DPP10: variants seen among roughly 807,000 people sequenced by gnomAD.
DPP10 encodes inactive dipeptidyl peptidase 10.
A neutral mutation model predicts 120.9 loss-of-function variants in DPP10; 33 were observed. The observed-to-expected ratio is 0.27, with a 90% CI of 0.21 to 0.37. The LOEUF (loss-of-function observed/expected upper bound fraction) is 0.37. Ranked by LOEUF, DPP10 falls within the 10% of genes least tolerant of loss-of-function variation. The pLI, the probability that DPP10 is intolerant of heterozygous loss-of-function variation, is 1.00. For missense variants in DPP10, 816 were observed against 942.8 expected (o/e 0.87, Z 1.76); for synonymous variants, 337 against 326.1 (o/e 1.03, Z -0.36).
At chr2:115,505,610 G>A (rs2076899818) in intron 4 of DPP10, among the ~76,000 whole-genome samples, 1 of 152,100 alleles carries the variant, frequency 6.6e-6, no homozygotes, top group South Asian at 2.1e-4. Context: ...CGAGGCTCTA[G>A]TTTAAACATT....
At chr2:115,154,022 C>T (rs2051735499) in intron 1 of DPP10, among the ~76,000 whole-genome samples, 1 of 152,104 alleles carries the variant, frequency 6.6e-6, no homozygotes, top group African/African-American at 2.4e-5. Flanking sequence ...AATATGTGTG[C>T]AGAGGATGTA....
chr2:114,860,072 T>G (rs947486668), intron 1 of DPP10, among the ~76,000 whole-genome samples: 1 of 152,210 alleles, frequency 6.6e-6, no homozygotes, highest in Non-Finnish European at 1.5e-5. Context: ...ATAGACTAAT[T>G]CATTATAAAG....
chr2:114,534,364 T>C (rs1666648343), intron 1 of DPP10, among the ~76,000 whole-genome samples: 1 of 151,718 alleles, frequency 6.6e-6, no homozygotes, highest in Admixed American at 6.6e-5. Flanking sequence ...TTCCTTTAAC[T>C]CTGATATCCA....
At chr2:114,866,990 T>C (rs1001185753) in intron 1 of DPP10, among the ~76,000 whole-genome samples, 3 of 152,348 alleles carry the variant, frequency 2.0e-5, no homozygotes, top group Middle Eastern at 3.4e-3. Flanking sequence ...GGTTCTTGCC[T>C]TGACCTGACA....
At chr2:115,363,459 C>T (rs775753259) in intron 3 of DPP10, among the ~76,000 whole-genome samples, 2 of 152,136 alleles carry the variant, frequency 1.3e-5, no homozygotes, top group Non-Finnish European at 2.9e-5. Context: ...GTGTTGTTCT[C>T]TAAGGCCCAA....
intron 7 of DPP10, among the ~76,000 whole-genome samples, chr2:115,690,883 A>G (rs2091277896): frequency 6.6e-6 from 1 of 152,216 alleles, no homozygotes; most frequent in Non-Finnish European, 1.5e-5. Context: ...CCTACCAGCA[A>G]TAATGAGAGC....
chr2:114,686,601 A>G (rs1256692293), intron 1 of DPP10, among the ~76,000 whole-genome samples: 3 of 151,878 alleles, frequency 2.0e-5, no homozygotes, highest in Non-Finnish European at 4.4e-5. Flanking sequence ...CAGAAAAACT[A>G]GGGGCAATGA....
chr2:114,898,023 A>G (rs1026122369), intron 1 of DPP10, among the ~76,000 whole-genome samples: 1 of 152,214 alleles, frequency 6.6e-6, no homozygotes, highest in Non-Finnish European at 1.5e-5. Context: ...ACTCTAAATC[A>G]TGCTGCTATA....
At chr2:115,530,990 C>G (rs892525346) in intron 5 of DPP10, among the ~76,000 whole-genome samples, 1 of 152,074 alleles carries the variant, frequency 6.6e-6, no homozygotes, top group African/African-American at 2.4e-5. Flanking sequence ...ATAAAAACAG[C>G]TAATTATTTA....
chr2:115,506,719 GATCT>G (rs2076961238), intron 4 of DPP10, among the ~76,000 whole-genome samples: 1 of 151,888 alleles, frequency 6.6e-6, no homozygotes, highest in Non-Finnish European at 1.5e-5. Context: ...TCTATGTATA[GATCT>G]ATCTATGCAG....
At chr2:114,519,513 C>T (rs1684875420) in intron 1 of DPP10, among the ~76,000 whole-genome samples, 1 of 152,206 alleles carries the variant, frequency 6.6e-6, no homozygotes, top group African/African-American at 2.4e-5. Flanking sequence ...AAGACATTTC[C>T]AGTCCTGCAC....
chr2:115,402,911 A>G (rs866938184), intron 3 of DPP10, among the ~76,000 whole-genome samples: 17 of 140,662 alleles, frequency 1.2e-4, no homozygotes, highest in Middle Eastern at 7.3e-3. Flanking sequence ...ATGTATATAT[A>G]TGTGTGTATA....
intron 1 of DPP10, among the ~76,000 whole-genome samples, chr2:114,649,905 G>A (rs906456690): frequency 6.6e-6 from 1 of 151,264 alleles, no homozygotes; most frequent in Admixed American, 6.6e-5. Context: ...TTTTCCACTT[G>A]GTTTATTTGA....
intron 3 of DPP10, among the ~76,000 whole-genome samples, chr2:115,459,938 T>TATATATATATATATATATATATACAC (rs66927327): frequency 6.2e-5 from 8 of 128,526 alleles, no homozygotes; most frequent in African/African-American, 1.9e-4. Context: ...TATATATATA[T>TATATATATATATATATATATATACAC]ACACACACAC....
At chr2:115,596,999 G>A (rs181600278) in intron 5 of DPP10, among the ~76,000 whole-genome samples, 49 of 152,260 alleles carry the variant, frequency 3.2e-4, no homozygotes, top group African/African-American at 1.1e-3. Flanking sequence ...TGGTGAATAT[G>A]GGAAGAAAAG....
At chr2:115,657,068 C>A (rs937616123) in intron 5 of DPP10, among the ~76,000 whole-genome samples, 4 of 151,626 alleles carry the variant, frequency 2.6e-5, no homozygotes, top group Admixed American at 2.6e-4. Flanking sequence ...GTAGATTATA[C>A]ATTTTCCCAT....
chr2:115,201,338 C>T (rs888777644), intron 1 of DPP10, among the ~76,000 whole-genome samples: 1 of 152,122 alleles, frequency 6.6e-6, no homozygotes, highest in Non-Finnish European at 1.5e-5. Flanking sequence ...TGGTGCATGC[C>T]TGTAATCCCA....
At chr2:114,995,785 G>A (rs1451527137) in intron 1 of DPP10, among the ~76,000 whole-genome samples, 2 of 152,162 alleles carry the variant, frequency 1.3e-5, no homozygotes, top group Non-Finnish European at 2.9e-5. Flanking sequence ...TCTAATGTAT[G>A]TGCAAGTTCA....
chr2:115,128,837 C>T (rs1367817715), intron 1 of DPP10, among the ~76,000 whole-genome samples: 1 of 152,182 alleles, frequency 6.6e-6, no homozygotes, highest in African/African-American at 2.4e-5. Flanking sequence ...TTTCTAGTCA[C>T]TGAACTTGTT....
Sources: gnomAD v4.1 joint callset for allele counts (sites outside exome capture counted in the v4.1 genomes callset) on GRCh38, gnomAD v4.1.1 for gene constraint, MANE v1.5 for transcripts, NCBI Gene and HGNC (gene_info 2026-07-23, HGNC 2026-07-21) for gene names.